Variants in RAPGEFL1 observed in about 807,000 individuals in gnomAD.
The protein encoded by RAPGEFL1 is Rap guanine nucleotide exchange factor like 1.
Under a neutral mutation model 64.4 loss-of-function variants are expected in RAPGEFL1, and 31 were observed. The ratio of observed to expected loss-of-function variants is 0.48; its 90% CI spans 0.36 to 0.65. The LOEUF (loss-of-function observed/expected upper bound fraction) is 0.65, where lower values mean the gene tolerates loss of function less well. Among genes scored for constraint, RAPGEFL1 ranks in the 30% least tolerant of loss-of-function variants. The pLI, the probability that RAPGEFL1 is intolerant of heterozygous loss-of-function variation, is 0.00. For synonymous variants in RAPGEFL1, 331 were observed against 274.1 expected, an observed-to-expected ratio of 1.21 and a Z score of -2.05; for missense variants, 682 against 677.4, an observed-to-expected ratio of 1.01 and a Z score of -0.08.
Position 40,192,614 on chromosome 17 carries a change from C to T in RAPGEFL1, c.1665C>T (p.Cys555=). The T allele has an allele frequency of 6.2e-7, 1 of 1,613,502 alleles. No homozygotes were observed. Residue 555 remains cysteine (C), a synonymous_variant, in exon 12 of 15, where the codon TGC becomes TGT. Coordinates refer to ENST00000620260, the MANE Select transcript of RAPGEFL1 (RefSeq NM_016339.6). Reference sequence around the variant, plus strand: ...CTCCTGTGGAATACTAGGACCCCTGCAGGAACCACAAAAGCTACCGAGAAG... The same window carrying T: ...CTCCTGTGGAATACTAGGACCCCTGTAGGAACCACAAAAGCTACCGAGAAG... ...FRKFENLTDP[C]RNHKSYREVI...
At chr17:40,185,783 C>CAAAA (rs750937174) in intron 4 of RAPGEFL1, among the ~76,000 whole-genome samples, 1 of 48,910 alleles carries the variant, frequency 2.0e-5, no homozygotes, top group African/African-American at 7.4e-5. Context: ...GATTCTGTCT[C>CAAAA]AAAAAAAAAA....
Position 40,192,691 on chromosome 17 carries a change from A to G in RAPGEFL1, c.1742A>G (p.Lys581Arg). 6.2e-7 allele frequency: 1 copy of G among 1,611,988 alleles called. No individual in the cohort carries two copies. The highest frequency in any genetic ancestry group is 8.5e-7 in the Non-Finnish European group (1 of 1,178,300). ...ATTCCCTTCGTGCCTCTGATCCTCAAAGGTGAGAGAGTTACTCCCAAGCTG... is the reference window on the plus strand; with the variant it reads ...ATTCCCTTCGTGCCTCTGATCCTCAGAGGTGAGAGAGTTACTCCCAAGCTG... ...PVIPFVPLIL[K>R]DLTFLHEGSK... The change falls in exon 12 of 15, where the codon AAA becomes AGA. Residue 581 changes from lysine to arginine, a missense_variant and splice_region_variant. Around this residue, in one of 2 missense-constraint regions of RAPGEFL1, gnomAD observed 411 missense variants for 519.4 expected, o/e 0.79. Coordinates refer to ENST00000620260, the MANE Select transcript of RAPGEFL1 (RefSeq NM_016339.6).
chr17:40,182,425 C>T (rs1989922249), intron 2 of RAPGEFL1, among the ~76,000 whole-genome samples: 1 of 150,978 alleles, frequency 6.6e-6, no homozygotes, highest in East Asian at 2.0e-4. Context: ...GATTCTCCTG[C>T]CTCAGCCTCC....
chr17:40,187,650 G>A (rs1228799893), intron 4 of RAPGEFL1, among the ~76,000 whole-genome samples: 2 of 151,374 alleles, frequency 1.3e-5, no homozygotes, highest in Non-Finnish European at 2.9e-5. Flanking sequence ...TGGCTCTGTC[G>A]CCCAGGCTGG....
chr17:40,190,822 A>ACGGTGTT (rs1990236815), intron 8 of RAPGEFL1, 60 bp downstream of exon 8: 2 of 1,599,202 alleles, frequency 1.3e-6, no homozygotes, highest in African/African-American at 1.3e-5. Flanking sequence ...CCATTGGGAG[A>ACGGTGTT]CGGTGTTCGC....
At position 40,178,138 on chromosome 17, in the gene RAPGEFL1, G is replaced by A; in HGVS notation, c.277G>A (p.Glu93Lys). The A allele has an allele frequency of 1.8e-6, 1 of 558,366 alleles. No individual in the cohort carries two copies. The highest frequency in any genetic ancestry group is 2.1e-5 in the South Asian group (1 of 48,128). The allele number at this position is 558,366 out of a possible 1,614,324, so 34.6% of individuals were successfully genotyped here. ...AGGAGGAGAGCCGGCGGGGGTCGCGGAGGAGCCGGGCAGCGGGGGGCCCTG... is the reference window on the plus strand; with the variant it reads ...AGGAGGAGAGCCGGCGGGGGTCGCGAAGGAGCCGGGCAGCGGGGGGCCCTG... The part of the protein sequence containing the change: ...EEGGEPAGVA[E>K]EPGSGGPCWL... The change falls in exon 1 of 15, where the codon GAG becomes AAG. Residue 93 changes from glutamate (E) to lysine (K), a missense_variant. Physicochemically the swap from Glu to Lys is moderately conservative, Grantham distance 56 (BLOSUM62 1). Coordinates refer to ENST00000620260, the MANE Select transcript of RAPGEFL1 (RefSeq NM_016339.6).
chr17:40,182,430 G>C (rs974060955), intron 2 of RAPGEFL1, among the ~76,000 whole-genome samples: 9 of 152,090 alleles, frequency 5.9e-5, no homozygotes, highest in Admixed American at 3.9e-4. Flanking sequence ...TCCTGCCTCA[G>C]CCTCCCCCAT....
chr17:40,192,845 G>C, intron 12 of RAPGEFL1, 81 bp from the exon 13 acceptor site: 2 of 1,395,800 alleles, frequency 1.4e-6, no homozygotes, highest in Non-Finnish European at 2.0e-6. Flanking sequence ...CTGGGGAAGA[G>C]CGGGGTCCTC....
At chr17:40,184,527 G>T in intron 3 of RAPGEFL1, 54 bp from the exon 4 acceptor site, 3 of 1,265,990 alleles carry the variant, frequency 2.4e-6, no homozygotes. Context: ...CCTGCAGAGA[G>T]TAGCCCTTGG....
At chr17:40,185,799 A>AAAAAG (rs1446304431) in intron 4 of RAPGEFL1, among the ~76,000 whole-genome samples, 2 of 150,412 alleles carry the variant, frequency 1.3e-5, no homozygotes, top group African/African-American at 2.4e-5. Context: ...AAAAAAAAAA[A>AAAAAG]AAAAGAAAAG....
At position 40,192,575 on chromosome 17, in the gene RAPGEFL1, G is replaced by T; in HGVS notation, c.1657-31G>T. 1.9e-6 allele frequency: 3 copies of T among 1,573,362 alleles called. No homozygotes were observed. In the South Asian group the frequency reaches 3.3e-5, roughly 17 times the overall value. ...ATCTTTGGGATGCATTGGCCAGTCT[G>T]TCCCTTGATCTCTCTCCTGTGGAAT... On this transcript the variant is annotated intron_variant, in intron 11 of 14. Transcript: ENST00000620260.
At chr17:40,189,016 T>C (rs775592808) in intron 5 of RAPGEFL1, 38 bp downstream of exon 5, 3 of 1,576,470 alleles carry the variant, frequency 1.9e-6, no homozygotes, top group Non-Finnish European at 2.6e-6. Context: ...GTGTCCTGAG[T>C]GGCTCAGGGG....
At chr17:40,183,499 C>CTTTCT (rs1236485462) in intron 2 of RAPGEFL1, among the ~76,000 whole-genome samples, 9 of 147,394 alleles carry the variant, frequency 6.1e-5, no homozygotes, top group Non-Finnish European at 9.0e-5. Context: ...AGCCTCCCAT[C>CTTTCT]TTTCTTTTCT....
At chr17:40,192,749 G>A in intron 12 of RAPGEFL1, 56 bp downstream of exon 12, 1 of 1,529,864 alleles carries the variant, frequency 6.5e-7, no homozygotes, top group East Asian at 2.3e-5. Context: ...CTTCTCCTAT[G>A]CCCTGCTTCT....
intron 1 of RAPGEFL1, 24 bp downstream of exon 1, chr17:40,178,405 A>G: frequency 2.1e-6 from 1 of 477,802 alleles, no homozygotes; most frequent in Middle Eastern, 3.4e-4. Flanking sequence ...GGGCTCGAAC[A>G]CCCAGAGCAG....
intron 1 of RAPGEFL1, chr17:40,181,384 C>T: frequency 1.6e-6 from 1 of 639,018 alleles, no homozygotes; most frequent in South Asian, 1.5e-5. Context: ...GCACGCGCCC[C>T]CCCCTTCCCT....
rs1989751810 is a variant in RAPGEFL1, at chr17:40,177,650, G to A, written c.-212G>A. On this transcript the variant is annotated 5_prime_UTR_variant, in exon 1 of 15. Coordinates refer to ENST00000620260, the MANE Select transcript of RAPGEFL1 (RefSeq NM_016339.6). ...CAGCCGGCATGGGGGGTTGCTGAGAGCGAGCACTCCTTTCCTCTGGCACCT... is the reference window on the plus strand; with the variant it reads ...CAGCCGGCATGGGGGGTTGCTGAGAACGAGCACTCCTTTCCTCTGGCACCT... 1 of 410,796 alleles carries A rather than the reference G, an allele frequency of 2.4e-6. No individual in the cohort carries two copies. Among genetic ancestry groups the A allele is most frequent in the East Asian group, 3.6e-5 (1 of 27,478 alleles). The allele number at this position is 410,796 out of a possible 1,614,324, so 25.4% of individuals were successfully genotyped here.
At chr17:40,182,415 G>A (rs575431673) in intron 2 of RAPGEFL1, among the ~76,000 whole-genome samples, 4 of 152,148 alleles carry the variant, frequency 2.6e-5, no homozygotes, top group Non-Finnish European at 4.4e-5. Flanking sequence ...GGGTTCAAGC[G>A]ATTCTCCTGC....
chr17:40,189,572 C>T (rs1164819535), intron 6 of RAPGEFL1, among the ~76,000 whole-genome samples, 197 bp downstream of exon 6: 1 of 152,194 alleles, frequency 6.6e-6, no homozygotes, highest in Admixed American at 6.6e-5. Context: ...CCTGCAGTCC[C>T]AGCTACTCAG....
Sources: allele counts gnomAD v4.1 joint callset (sites outside exome capture counted in the v4.1 genomes callset), GRCh38; gene constraint gnomAD v4.1.1; regional missense constraint gnomAD v4.1.1; transcripts MANE v1.5; gene names NCBI Gene and HGNC (gene_info 2026-07-23, HGNC 2026-07-21).